MBNL1: variants seen among roughly 807,000 people sequenced by gnomAD.
MBNL1 encodes the protein muscleblind-like protein 1.
Under a neutral mutation model 42.2 loss-of-function variants are expected in MBNL1, and 8 were observed. That is an observed-to-expected ratio of 0.19 (90% CI 0.11 to 0.34). The LOEUF (loss-of-function observed/expected upper bound fraction) is 0.34. MBNL1 is among the 10% of genes least tolerant of loss of function. MBNL1 has a pLI of 1.00. For synonymous variants in MBNL1, 169 were observed against 173.9 expected (o/e 0.97, Z 0.22); for missense variants, 309 against 495.3 (o/e 0.62, Z 3.57).
intron 2 of MBNL1, among the ~76,000 whole-genome samples, chr3:152,333,783 A>G (rs957284456): frequency 8.5e-5 from 13 of 152,234 alleles, no homozygotes; most frequent in African/African-American, 3.1e-4. Context: ...AATTTTATGT[A>G]AACATTTTAA....
In MBNL1 at chr3:152,248,130, G is replaced by A. The variant is rs1051848213; in HGVS notation, n.333+3690G>A. Among the ~76,000 whole-genome samples, 5 of 151,878 alleles carry A rather than the reference G, an allele frequency of 3.3e-5. No homozygotes were observed. The South Asian group carries it at 1.0e-3, about 31-fold the overall frequency. On this transcript the variant is annotated intron_variant and non_coding_transcript_variant, in intron 2 of 2. Coordinates refer to the MBNL1 transcript ENST00000477171. ...GAAAAAATAAGTAAAATTTTTAAAA[G>A]TGTACCTTAATTCAATCTATTTTCT...
intron 2 of MBNL1, among the ~76,000 whole-genome samples, chr3:152,343,166 T>C (rs2093643799): frequency 6.6e-6 from 1 of 152,154 alleles, no homozygotes; most frequent in Admixed American, 6.6e-5. Flanking sequence ...TGGGCAAATT[T>C]TCTCAGTCTT....
intron 2 of MBNL1, among the ~76,000 whole-genome samples, chr3:152,354,664 T>C (rs1455083523): frequency 6.6e-6 from 1 of 151,820 alleles, no homozygotes; most frequent in Non-Finnish European, 1.5e-5. Context: ...AAAACTGCCC[T>C]GAAGCCTTTG....
At chr3:152,384,146 T>C (rs1162083086) in intron 2 of MBNL1, among the ~76,000 whole-genome samples, 1 of 152,138 alleles carries the variant, frequency 6.6e-6, no homozygotes, top group African/African-American at 2.4e-5. Context: ...TTTGTAATGT[T>C]TTATTTTTAA....
intron 2 of MBNL1, among the ~76,000 whole-genome samples, chr3:152,253,203 C>T (rs1452190597): frequency 6.6e-6 from 1 of 152,072 alleles, no homozygotes; most frequent in Non-Finnish European, 1.5e-5. Context: ...ATTTCCTACC[C>T]CTCTGTCTGC....
chr3:152,315,908 CAT>C lies in MBNL1; in HGVS notation c.174+15544_174+15545del, dbSNP rs2070882599. Among the ~76,000 whole-genome samples, 8 of 152,092 alleles carry C rather than the reference CAT, an allele frequency of 5.3e-5. No individual in the cohort carries two copies. In the South Asian group the frequency reaches 1.7e-3, roughly 32 times the overall value. On this transcript the variant is annotated intron_variant, in intron 2 of 9. Coordinates refer to ENST00000324210, the MANE Select transcript of MBNL1 (RefSeq NM_021038.5). ...CTCTCACTCCTCTCTCTCTCACACA[CAT>C]ATGCGCGCGCACACACCCACACGTC...
Position 152,280,976 on chromosome 3 carries a change from T to C in MBNL1, c.-790+11884T>C, listed in dbSNP as rs993535369. On this transcript the variant is annotated intron_variant, in intron 1 of 9. Transcript: ENST00000324210. ...TTTTTAAGACAAATTAAGAATATGG[T>C]TTCTGATTTTCTGAAGTTTATGGCC... 2.0e-5 allele frequency among the ~76,000 whole-genome samples: 3 copies of C among 152,138 alleles called. No individual in the cohort carries two copies. In the East Asian group the frequency reaches 5.8e-4, roughly 29 times the overall value.
At chr3:152,327,732 G>A (rs1330263367) in intron 2 of MBNL1, among the ~76,000 whole-genome samples, 2 of 151,288 alleles carry the variant, frequency 1.3e-5, no homozygotes, top group African/African-American at 4.9e-5. Context: ...ATATGAATGT[G>A]GTTTTGTAAA....
chr3:152,455,833 A>G (rs894807710), intron 7 of MBNL1, among the ~76,000 whole-genome samples: 1 of 152,238 alleles, frequency 6.6e-6, no homozygotes, highest in Non-Finnish European at 1.5e-5. Flanking sequence ...AAAAAAATCT[A>G]TTTCATAAAA....
chr3:152,314,624 C>G (rs2069447306), intron 2 of MBNL1, among the ~76,000 whole-genome samples: 1 of 152,218 alleles, frequency 6.6e-6, no homozygotes. Context: ...ATCCGCCTGT[C>G]TCAGCCTCCC....
chr3:152,373,353 A>C (rs1355779823), intron 2 of MBNL1, among the ~76,000 whole-genome samples: 6 of 148,582 alleles, frequency 4.0e-5, no homozygotes, highest in East Asian at 1.9e-4. Flanking sequence ...AAAAAAAAAA[A>C]AAAAAAAAAA....
At chr3:152,327,908 C>T (rs2081453101) in intron 2 of MBNL1, among the ~76,000 whole-genome samples, 1 of 151,628 alleles carries the variant, frequency 6.6e-6, no homozygotes. Flanking sequence ...CTTGCTGACC[C>T]AAAGAAAAAT....
intron 2 of MBNL1, among the ~76,000 whole-genome samples, chr3:152,322,090 G>T (rs2076813575): frequency 1.3e-5 from 2 of 151,610 alleles, no homozygotes. Flanking sequence ...TTTTTGTACT[G>T]CATAAAAATG....
intron 6 of MBNL1, among the ~76,000 whole-genome samples, chr3:152,453,619 C>T (rs1156302981): frequency 5.3e-5 from 8 of 152,172 alleles, no homozygotes; most frequent in Non-Finnish European, 1.5e-5. Flanking sequence ...GTGGGTCCTA[C>T]AGCATTATGT....
intron 2 of MBNL1, among the ~76,000 whole-genome samples, chr3:152,364,252 T>A (rs1026861202): frequency 6.6e-6 from 1 of 152,124 alleles, no homozygotes; most frequent in African/African-American, 2.4e-5. Context: ...CTTTTATGTT[T>A]AAAATTCCTT....
At chr3:152,325,408 C>G (rs2152486050) in intron 2 of MBNL1, among the ~76,000 whole-genome samples, 1 of 152,152 alleles carries the variant, frequency 6.6e-6, no homozygotes, top group East Asian at 1.9e-4. Flanking sequence ...AGTAGACTGA[C>G]TAGAAGTGTA....
At chr3:152,272,354 A>G (rs962170180) in intron 1 of MBNL1, among the ~76,000 whole-genome samples, 1 of 152,116 alleles carries the variant, frequency 6.6e-6, no homozygotes, top group Non-Finnish European at 1.5e-5. Context: ...TAATAGAGAA[A>G]AACTTATAAT....
chr3:152,273,508 A>T (rs73154157), intron 1 of MBNL1, among the ~76,000 whole-genome samples: 17,399 of 152,234 alleles, frequency 0.11, 1,210 homozygotes, highest in Middle Eastern at 0.18. Context: ...CTGTAAAAAT[A>T]TGTGTAACAC....
chr3:152,398,168 A>C (rs1199746454), intron 2 of MBNL1, among the ~76,000 whole-genome samples: 1 of 152,200 alleles, frequency 6.6e-6, no homozygotes, highest in Admixed American at 6.5e-5. Flanking sequence ...ATAATTTTGG[A>C]AACAGGGAAA....
Sources: gnomAD v4.1 joint callset for allele counts (sites outside exome capture counted in the v4.1 genomes callset) on GRCh38, gnomAD v4.1.1 for gene constraint, MANE v1.5 for transcripts, NCBI Gene and HGNC (gene_info 2026-07-23, HGNC 2026-07-21) for gene names.